MYO1A: variants seen among roughly 807,000 people sequenced by gnomAD.
MYO1A encodes myosin IA, also known as unconventional myosin-Ia.
In MYO1A, 127 loss-of-function variants were observed where a neutral mutation model predicts 138.5. The observed-to-expected ratio is 0.92, with a 90% confidence interval of 0.79 to 1.06. The LOEUF (loss-of-function observed/expected upper bound fraction) is 1.06. Ranked by LOEUF, MYO1A falls within the 50% of genes least tolerant of loss-of-function variation. MYO1A has a pLI of 0.00. For synonymous variants in MYO1A, 477 were observed against 497.5 expected (o/e 0.96, Z 0.55); for missense variants, 1,211 against 1,288.8 (o/e 0.94, Z 0.92).
chr12:57,046,043 GAATA>G (rs770920736), intron 8 of MYO1A, among the ~76,000 whole-genome samples: 2 of 152,092 alleles, frequency 1.3e-5, no homozygotes, highest in Non-Finnish European at 2.9e-5. Flanking sequence ...TTGAATGAAT[GAATA>G]AATGAATGAG....
chr12:57,039,353 C>G, intron 14 of MYO1A, 79 bp from the exon 15 acceptor site: 1 of 1,084,608 alleles, frequency 9.2e-7, no homozygotes, highest in South Asian at 1.2e-5. Flanking sequence ...TAGCCTTTCA[C>G]CCACCCAACA....
At chr12:57,046,047 AAATG>A (rs1303248573) in intron 8 of MYO1A, among the ~76,000 whole-genome samples, 3 of 152,222 alleles carry the variant, frequency 2.0e-5, no homozygotes, top group Non-Finnish European at 4.4e-5. Context: ...ATGAATGAAT[AAATG>A]AATGAGTGAA....
intron 15 of MYO1A, 32 bp downstream of exon 15, chr12:57,039,180 G>A: frequency 1.2e-6 from 2 of 1,605,398 alleles, no homozygotes; most frequent in South Asian, 1.1e-5. Context: ...TCTGGAAGGG[G>A]AAGTCCCACA....
Position 57,038,691 on chromosome 12 carries a change from T to G in MYO1A, c.1534-53A>C, listed in dbSNP as rs886626959. ...GACCCCACAACCTTGTCCCAGCACT[T>G]GGCCCTCCCAGTCTCATTGTGAAGT... On this transcript the variant is annotated intron_variant, in intron 16 of 27. Transcript: ENST00000300119. 3 of 1,609,286 alleles carry G rather than the reference T, an allele frequency of 1.9e-6. No individual in the cohort carries two copies. In the African/African-American group the frequency reaches 4.0e-5, roughly 22 times the overall value.
intron 22 of MYO1A, among the ~76,000 whole-genome samples, chr12:57,034,825 T>A (rs1216903458): frequency 6.6e-6 from 1 of 151,998 alleles, no homozygotes; most frequent in Non-Finnish European, 1.5e-5. Context: ...AAAAATTAGC[T>A]GGGCATGGTG....
At chr12:57,030,921 G>A (rs1414295696) in intron 23 of MYO1A, 119 bp downstream of exon 23, 4 of 1,231,048 alleles carry the variant, frequency 3.2e-6, no homozygotes, top group Middle Eastern at 2.8e-4. Flanking sequence ...TGTATGTTAT[G>A]TATATTTTAC....
intron 19 of MYO1A, 39 bp from the exon 20 acceptor site, chr12:57,037,130 C>T: frequency 6.2e-7 from 1 of 1,612,504 alleles, no homozygotes; most frequent in Non-Finnish European, 8.5e-7. Flanking sequence ...GAGACTGGCT[C>T]AGGGGAACAG....
At chr12:57,045,801 T>C (rs1018628150) in intron 8 of MYO1A, among the ~76,000 whole-genome samples, 5 of 152,134 alleles carry the variant, frequency 3.3e-5, no homozygotes, top group African/African-American at 1.2e-4. Flanking sequence ...CAGTCCAGCA[T>C]CCAGGCTGTG....
At chr12:57,038,666 G>A in intron 16 of MYO1A, 28 bp from the exon 17 acceptor site, 1 of 1,612,762 alleles carries the variant, frequency 6.2e-7, no homozygotes, top group Non-Finnish European at 8.5e-7. Context: ...TTGGTTTGGA[G>A]ACCCCACAAC....
chr12:57,041,098 G>A (rs1450676277), intron 14 of MYO1A, 86 bp downstream of exon 14: 3 of 985,518 alleles, frequency 3.0e-6, no homozygotes, highest in African/African-American at 3.2e-5. Flanking sequence ...GGACGATGTA[G>A]AGGAAATTGT....
chr12:57,030,170 C>T lies in MYO1A; in HGVS notation c.2591+40G>A, dbSNP rs751221060. ...GCACGCTCAAGTTTGAGAACTGCTG[C>T]GTGATGGAACTGGCTGTGCAGGGTC... On this transcript the variant is annotated intron_variant, in intron 24 of 27. Coordinates refer to ENST00000300119, the MANE Select transcript of MYO1A (RefSeq NM_005379.4). 11 of 1,538,456 alleles carry T rather than the reference C, an allele frequency of 7.2e-6. No individual in the cohort carries two copies. In the South Asian group the frequency reaches 8.9e-5, roughly 12 times the overall value.
rs767264391 is a variant in MYO1A, at chr12:57,046,618, G to C, written c.574C>G (p.Leu192Val). The change falls in exon 8 of 28, where the codon CTC becomes GTC. Residue 192 changes from leucine (L) to valine (V), a missense_variant. Leu to Val is a conservative substitution (Grantham distance 32). Coordinates refer to ENST00000300119, the MANE Select transcript of MYO1A (RefSeq NM_005379.4). The stretch of plus-strand genomic sequence containing the variant: ...ATGTGGAAGTTCCTTTCTCCTTTGA[G>C]CTGCTTCACTAATCGGGATTTCTCA... ...LLEKSRLVKQLKGERNFHIFY... is the reference protein window; with the variant it reads ...LLEKSRLVKQVKGERNFHIFY... 3.1e-6 allele frequency: 5 copies of C among 1,613,938 alleles called. No individual in the cohort carries two copies. The Admixed American group carries it at 8.3e-5, about 27-fold the overall frequency.
intron 15 of MYO1A, 81 bp from the exon 16 acceptor site, chr12:57,039,090 C>T: frequency 1.3e-6 from 2 of 1,565,920 alleles, no homozygotes; most frequent in Non-Finnish European, 1.8e-6. Context: ...CCCCTTTCTC[C>T]ACTCTTATCT....
chr12:57,045,540 A>G (rs2031059024), intron 8 of MYO1A, among the ~76,000 whole-genome samples: 1 of 152,200 alleles, frequency 6.6e-6, no homozygotes, highest in Non-Finnish European at 1.5e-5. Flanking sequence ...AGACAAGTTG[A>G]ACATAACCAA....
Position 57,046,658 on chromosome 12 carries a change from A to C in MYO1A, c.542-8T>G. On this transcript the variant is annotated splice_polypyrimidine_tract_variant and splice_region_variant and intron_variant, in intron 7 of 27. Transcript: ENST00000300119. ...GGGATTTCTCAAGCAGATCTGGCAG[A>C]GAATTAGAAAAATAATATCCTGAGG... 1 of 1,612,490 alleles carries C rather than the reference A, an allele frequency of 6.2e-7. No individual in the cohort carries two copies. The highest frequency in any genetic ancestry group is 8.5e-7 in the Non-Finnish European group (1 of 1,178,522).
chr12:57,035,881 G>T (rs1332401070), intron 22 of MYO1A, among the ~76,000 whole-genome samples: 1 of 152,230 alleles, frequency 6.6e-6, no homozygotes, highest in Non-Finnish European at 1.5e-5. Flanking sequence ...GTAGAAGGAA[G>T]ATACAATTCG....
At chr12:57,029,296 T>C (rs1377910888) in intron 26 of MYO1A, 37 bp from the exon 27 acceptor site, 10 of 1,613,504 alleles carry the variant, frequency 6.2e-6, no homozygotes, top group Non-Finnish European at 7.6e-6. Flanking sequence ...AAGGGATTCA[T>C]TTTTTCTCTT....
intron 14 of MYO1A, among the ~76,000 whole-genome samples, chr12:57,039,717 T>C (rs1012157692): frequency 6.6e-6 from 1 of 152,188 alleles, no homozygotes; most frequent in Non-Finnish European, 1.5e-5. Flanking sequence ...TCTTCAAAGA[T>C]CTACATCAGT....
At chr12:57,036,183 TAAG>T (rs2030532935) in intron 22 of MYO1A, 121 bp downstream of exon 22, 1 of 967,906 alleles carries the variant, frequency 1.0e-6, no homozygotes, top group African/African-American at 1.6e-5. Context: ...TCCTAGGACT[TAAG>T]TACATGCAGA....
Sources: gnomAD v4.1 joint callset for allele counts (sites outside exome capture counted in the v4.1 genomes callset) on GRCh38, gnomAD v4.1.1 for gene constraint, MANE v1.5 for transcripts, NCBI Gene and HGNC (gene_info 2026-07-23, HGNC 2026-07-21) for gene names.